The following COX15 variants were observed in gnomAD, a reference collection of about 807,000 sequenced individuals.
COX15 encodes cytochrome c oxidase assembly factor COX15.
COX15 carries 51 observed loss-of-function variants against 51.9 expected under a neutral mutation model. The observed-to-expected ratio is 0.98, with a 90% CI of 0.78 to 1.24. The LOEUF is 1.24. Ranked by LOEUF, COX15 falls within the 50% of genes most tolerant of loss-of-function variation. COX15 has a pLI of 0.00. For missense variants in COX15, 420 were observed against 501.1 expected, an observed-to-expected ratio of 0.84 and a Z score of 1.55; for synonymous variants, 188 against 190.5, an observed-to-expected ratio of 0.99 and a Z score of 0.11.
intron 2 of COX15, among the ~76,000 whole-genome samples, chr10:99,729,142 G>C (rs575858226): frequency 1.3e-5 from 2 of 152,246 alleles, no homozygotes; most frequent in African/African-American, 4.8e-5. Context: ...TATACAATGA[G>C]GGAGCTAGAC....
At chr10:99,727,675 T>C in intron 2 of COX15, 112 bp from the exon 3 acceptor site, 1 of 1,276,162 alleles carries the variant, frequency 7.8e-7, no homozygotes, top group Non-Finnish European at 1.1e-6. Context: ...AACACATTGT[T>C]TCCTTGTTTC....
At chr10:99,694,481 G>A in the COX15 span, among the ~76,000 whole-genome samples, 1 of 150,940 alleles carries the variant, frequency 6.6e-6, no homozygotes, top group South Asian at 2.1e-4. Flanking sequence ...TGGCTATTAT[G>A]CACAGTGCTG....
intron 2 of COX15, among the ~76,000 whole-genome samples, chr10:99,728,987 G>C (rs1339448498): frequency 6.6e-6 from 1 of 152,170 alleles, no homozygotes; most frequent in Admixed American, 6.5e-5. Context: ...GATTGAAAGA[G>C]AAAAGATACA....
the COX15 span, among the ~76,000 whole-genome samples, chr10:99,696,893 C>CA: frequency 6.6e-6 from 1 of 152,144 alleles, no homozygotes; most frequent in African/African-American, 2.4e-5. Context: ...GGATGGCCAG[C>CA]AGTGCTGAGG....
chr10:99,700,643 C>A, the COX15 span, among the ~76,000 whole-genome samples: 1 of 152,198 alleles, frequency 6.6e-6, no homozygotes, highest in African/African-American at 2.4e-5. Flanking sequence ...CATCCTCTTC[C>A]ATCTGCTCTC....
rs7084118 is a variant in COX15, at chr10:99,716,433, A to G, written c.1016T>C (p.Val339Ala). The G allele has an allele frequency of 6.2e-6, 10 of 1,613,552 alleles. No homozygotes were observed. The highest frequency in any genetic ancestry group is 1.3e-5 in the African/African-American group (1 of 74,914). ...AATTCTCCGAGAGAGGAAGTAGAGC[A>G]CTGTAATGGCAGTGACTGAAGTGAT... is the stretch of plus-strand genomic sequence containing the variant. Reference protein sequence around the residue: ...LGITSVTAITVLYFLSRRIPL... With the variant: ...LGITSVTAITALYFLSRRIPL... Residue 339 changes from valine to alanine, a missense_variant, in exon 8 of 9, where the codon GTG becomes GCG. Transcript: ENST00000016171.
At position 99,718,403 on chromosome 10, in the gene COX15, G is replaced by A. The variant is rs1336854379; in HGVS notation, c.930C>T (p.Pro310=). The change falls in exon 7 of 9, where the codon CCC becomes CCT. Residue 310 remains proline (P), a synonymous_variant. Transcript: ENST00000016171. ...GATTCTCAAAAACATTCCTCAGGAT[G>A]GGGGAGAAGGTAAAGAGGTCCTCCG... ...WIPEDLFTFS[P]ILRNVFENPT... The A allele has an allele frequency of 1.2e-6, 2 of 1,614,052 alleles. No individual in the cohort carries two copies. Among genetic ancestry groups the A allele is most frequent in the Admixed American group, 1.7e-5 (1 of 60,018 alleles).
At chr10:99,704,010 G>A in the COX15 span, among the ~76,000 whole-genome samples, 10 of 152,194 alleles carry the variant, frequency 6.6e-5, no homozygotes, top group Admixed American at 4.6e-4. Flanking sequence ...ACAAGCATGT[G>A]CCACTGCACT....
In COX15 at chr10:99,731,991, A is replaced by T. The variant is rs777140358; in HGVS notation, c.59T>A (p.Leu20His). Reference sequence around the variant, plus strand: ...TCTAGGCGCTGCCCTAGGAGCCAGGAGCGGCAGATACTGCCTCCCCTTCAA... The same window carrying T: ...TCTAGGCGCTGCCCTAGGAGCCAGGTGCGGCAGATACTGCCTCCCCTTCAA... ...RALKGRQYLP[L>H]LAPRAAPRAQ... The change falls in exon 1 of 9, where the codon CTC becomes CAC. Residue 20 changes from leucine (L) to histidine (H), a missense_variant. By Grantham distance (99) the Leu-to-His change is moderately conservative (BLOSUM62 -3). Coordinates refer to ENST00000016171, the MANE Select transcript of COX15 (RefSeq NM_078470.6). The T allele has an allele frequency of 1.3e-5, 21 of 1,612,618 alleles. No individual in the cohort carries two copies. The highest frequency in any genetic ancestry group is 1.8e-5 in the Non-Finnish European group (21 of 1,179,666).
intron 8 of COX15, among the ~76,000 whole-genome samples, chr10:99,715,678 G>C (rs537114957): frequency 2.7e-5 from 4 of 150,472 alleles, no homozygotes; most frequent in Non-Finnish European, 4.4e-5. Context: ...TTGCCTTCTG[G>C]AAAAAACTGT....
At chr10:99,730,964 G>C (rs530725783) in intron 1 of COX15, among the ~76,000 whole-genome samples, 44 of 152,250 alleles carry the variant, frequency 2.9e-4, no homozygotes, top group African/African-American at 1.1e-3. Flanking sequence ...ACTGAGGTAA[G>C]AGGATGCTTG....
chr10:99,718,300 G>C, intron 7 of COX15, 46 bp downstream of exon 7: 1 of 1,606,638 alleles, frequency 6.2e-7, no homozygotes, highest in Non-Finnish European at 8.5e-7. Context: ...CAAAGCCTAT[G>C]ATAGGCTCCT....
At chr10:99,709,019 G>C (rs979975478), downstream of COX15, 20 of 984,816 alleles carry the variant, frequency 2.0e-5, no homozygotes, top group African/African-American at 3.5e-5. Context: ...GTCAGAAATA[G>C]TGCCAAGTTT....
chr10:99,726,845 G>A lies in COX15; in HGVS notation c.582+123C>T, dbSNP rs1044701211. The A allele has an allele frequency of 4.9e-5, 45 of 911,114 alleles. No individual in the cohort carries two copies. The East Asian group carries it at 9.5e-4, about 19-fold the overall frequency. 56.4% of individuals were successfully genotyped at this position (911,114 alleles called of 1,614,324 possible). ...AGCTTGCAGTGAGCCGAGATCACGC[G>A]CCACTGCACTCCAGCCTGGGCGACA... On this transcript the variant is annotated intron_variant, in intron 4 of 8. Coordinates refer to ENST00000016171, the MANE Select transcript of COX15 (RefSeq NM_078470.6).
chr10:99,724,888 A>G (rs1254777970), intron 4 of COX15, among the ~76,000 whole-genome samples: 4 of 152,238 alleles, frequency 2.6e-5, no homozygotes, highest in African/African-American at 9.6e-5. Context: ...ATAAAAATCA[A>G]TAAGGTTTTG....
In COX15 at chr10:99,711,069, T is replaced by C. The variant is rs1363938860; in HGVS notation, c.*3518A>G. The stretch of plus-strand genomic sequence containing the variant: ...GCATTCACTAATTCAATATTTGATA[T>C]GTGTCTGGGAGTGCTGGGAATAACA... On this transcript the variant is annotated 3_prime_UTR_variant, in exon 9 of 9. Coordinates refer to ENST00000016171, the MANE Select transcript of COX15 (RefSeq NM_078470.6). 2 of 981,468 alleles carry C rather than the reference T, an allele frequency of 2.0e-6. No homozygotes were observed. The highest frequency in any genetic ancestry group is 1.8e-5 in the African/African-American group (1 of 56,072). 60.8% of individuals were successfully genotyped at this position (981,468 alleles called of 1,614,324 possible). A position where few individuals can be genotyped will look rare whatever the true frequency, so the allele number is the denominator to read the frequency against.
downstream of COX15, among the ~76,000 whole-genome samples, chr10:99,706,471 G>A (rs2036255637): frequency 6.6e-6 from 1 of 151,548 alleles, no homozygotes; most frequent in South Asian, 2.1e-4. Flanking sequence ...GAGTAGCTGG[G>A]ACTACAGGTG....
chr10:99,716,621 G>A, intron 7 of COX15, 160 bp from the exon 8 acceptor site: 1 of 610,096 alleles, frequency 1.6e-6, no homozygotes, highest in Non-Finnish European at 3.0e-6. Context: ...TCCTCCACAG[G>A]CTGTCTCTTC....
rs557986782 is a variant in COX15 at position 99,711,708 on chromosome 10, G to A, written c.*2879C>T. The A allele has an allele frequency of 7.1e-6, 7 of 985,418 alleles. No homozygotes were observed. The East Asian group carries it at 3.4e-4, about 48-fold the overall frequency. The allele number at this position is 985,418 out of a possible 1,614,324, so 61.0% of individuals were successfully genotyped here. ...TGGGATTTTTCTAAGATTCAAATAA[G>A]AGAGAAGTTGGGAATCTCTTCTAGG... On this transcript the variant is annotated 3_prime_UTR_variant, in exon 9 of 9. Transcript: ENST00000016171.
Sources: allele counts gnomAD v4.1 joint callset (sites outside exome capture counted in the v4.1 genomes callset), GRCh38; gene constraint gnomAD v4.1.1; transcripts MANE v1.5; gene names NCBI Gene and HGNC (gene_info 2026-07-23, HGNC 2026-07-21).